The following VKORC1L1 variants were observed in gnomAD, a reference collection of about 807,000 sequenced individuals.
VKORC1L1 encodes the protein vitamin K epoxide reductase complex subunit 1-like protein 1.
Under a neutral mutation model 18.9 loss-of-function variants are expected in VKORC1L1, and 2 were observed. That is an observed-to-expected ratio of 0.11 (90% confidence interval 0.04 to 0.33). The LOEUF (loss-of-function observed/expected upper bound fraction) is 0.33, where lower values mean the gene tolerates loss of function less well. Ranked by LOEUF, VKORC1L1 falls within the 10% of genes least tolerant of loss-of-function variation. The pLI is 1.00. For synonymous variants in VKORC1L1, 96 were observed against 100.0 expected (o/e 0.96, Z 0.24); for missense variants, 123 against 224.1 (o/e 0.55, Z 2.88).
chr7:65,902,316 G>T (rs1422806061), intron 1 of VKORC1L1, among the ~76,000 whole-genome samples: 1 of 152,016 alleles, frequency 6.6e-6, no homozygotes, highest in Non-Finnish European at 1.5e-5. Flanking sequence ...GAAGTGGAAG[G>T]TGTATTTTAA....
At chr7:65,911,228 A>G (rs962339480) in intron 1 of VKORC1L1, among the ~76,000 whole-genome samples, 3 of 152,230 alleles carry the variant, frequency 2.0e-5, no homozygotes, top group African/African-American at 7.2e-5. Context: ...TTGTTTATCC[A>G]TATGTAAATT....
chr7:65,922,002 C>A (rs1171491762), intron 1 of VKORC1L1, among the ~76,000 whole-genome samples: 2 of 152,246 alleles, frequency 1.3e-5, no homozygotes, highest in East Asian at 3.9e-4. Flanking sequence ...CATTACCCTG[C>A]AGGTTATACC....
chr7:65,947,491 T>C (rs1469524450), intron 1 of VKORC1L1, among the ~76,000 whole-genome samples: 1 of 152,068 alleles, frequency 6.6e-6, no homozygotes, highest in African/African-American at 2.4e-5. Flanking sequence ...AGGTTTTTTA[T>C]TCAAAATGAA....
At chr7:65,909,277 C>T (rs938869954) in intron 1 of VKORC1L1, among the ~76,000 whole-genome samples, 3 of 151,338 alleles carry the variant, frequency 2.0e-5, no homozygotes, top group South Asian at 2.1e-4. Context: ...CCACCGTGCC[C>T]GGGCACAGCA....
chr7:65,875,389 A>G (rs1292596281), intron 1 of VKORC1L1, among the ~76,000 whole-genome samples: 7 of 152,064 alleles, frequency 4.6e-5, no homozygotes, highest in Admixed American at 6.6e-5. Flanking sequence ...AACATCATTG[A>G]AAGTTTTTAT....
At chr7:65,905,342 G>A (rs1227848985) in intron 1 of VKORC1L1, among the ~76,000 whole-genome samples, 1 of 151,472 alleles carries the variant, frequency 6.6e-6, no homozygotes, top group Admixed American at 6.6e-5. Flanking sequence ...ATGGAGTCTC[G>A]CTCTGTCATC....
At chr7:65,923,031 A>T (rs1157453594) in intron 1 of VKORC1L1, among the ~76,000 whole-genome samples, 1 of 152,124 alleles carries the variant, frequency 6.6e-6, no homozygotes, top group Non-Finnish European at 1.5e-5. Flanking sequence ...CTGATGATAA[A>T]GTAGAGCATT....
intron 2 of VKORC1L1, among the ~76,000 whole-genome samples, chr7:65,951,366 GAGTTCAAGACC>G (rs1470714104): frequency 2.6e-5 from 4 of 152,128 alleles, no homozygotes; most frequent in Non-Finnish European, 5.9e-5. Flanking sequence ...ACGAGGTCAG[GAGTTCAAGACC>G]AGCCTGGCCA....
chr7:65,897,637 TATTACTCTTGCGG>T lies in VKORC1L1; in HGVS notation c.194+24074_194+24086del, dbSNP rs1381005597. Reference sequence around the variant, plus strand: ...ATTGTGGTGTTAGAAGTCAGGGTAGTATTACTCTTGCGGAGCTCACTGGATGGAGACATGAGGG... The same window carrying T: ...ATTGTGGTGTTAGAAGTCAGGGTAGTAGCTCACTGGATGGAGACATGAGGG... On this transcript the variant is annotated intron_variant, in intron 1 of 2. Transcript: ENST00000360768. Among the ~76,000 whole-genome samples the T allele has an allele frequency of 5.6e-4, 85 of 151,476 alleles. No homozygotes were observed. In the East Asian group the frequency reaches 7.5e-3, roughly 13 times the overall value.
rs1490635753 is a variant in VKORC1L1, at chr7:65,956,936, T to C, written c.*2636T>C. 6.6e-6 allele frequency: 1 copy of C among 152,230 alleles called. No homozygotes were observed. The highest frequency in any genetic ancestry group is 1.5e-5 in the Non-Finnish European group (1 of 68,048). The allele number at this position is 152,230 out of a possible 1,614,324, so 9.4% of individuals were successfully genotyped here. A position where few individuals can be genotyped will look rare whatever the true frequency, so the allele number is the denominator to read the frequency against. ...AATGAAGCCATTTATTGACTTGATG[T>C]TCACAAATATCATTTGAAGAAATAA... On this transcript the variant is annotated 3_prime_UTR_variant, in exon 3 of 3. Transcript: ENST00000360768.
At chr7:65,929,513 A>G (rs1276931374) in intron 1 of VKORC1L1, among the ~76,000 whole-genome samples, 1 of 152,062 alleles carries the variant, frequency 6.6e-6, no homozygotes, top group East Asian at 1.9e-4. Context: ...TCTTGATTAC[A>G]GTAGCTTTAC....
chr7:65,947,166 A>G (rs1461792467), intron 1 of VKORC1L1, among the ~76,000 whole-genome samples: 1 of 151,960 alleles, frequency 6.6e-6, no homozygotes, highest in Admixed American at 6.6e-5. Flanking sequence ...AACAAACAAA[A>G]AGGATTGCAT....
chr7:65,929,681 T>TATATATA, intron 1 of VKORC1L1, among the ~76,000 whole-genome samples: 1 of 29,340 alleles, frequency 3.4e-5, no homozygotes, highest in Admixed American at 4.3e-4. Flanking sequence ...TGTGTGTGTG[T>TATATATA]GTATATATAT....
At chr7:65,941,073 G>T (rs911539549) in intron 1 of VKORC1L1, among the ~76,000 whole-genome samples, 8 of 152,248 alleles carry the variant, frequency 5.3e-5, no homozygotes, top group Non-Finnish European at 1.0e-4. Context: ...GTGTTTAATT[G>T]CATTGGGGCA....
chr7:65,936,049 C>T (rs1233924188), intron 1 of VKORC1L1, among the ~76,000 whole-genome samples: 2 of 151,638 alleles, frequency 1.3e-5, no homozygotes, highest in Non-Finnish European at 2.9e-5. Context: ...CTCACTGAAT[C>T]TTCCCTTTGG....
At chr7:65,873,665 GGGGACCGGGCCGCT>G (rs1363632278) in intron 1 of VKORC1L1, 100 bp downstream of exon 1, 1 of 1,217,736 alleles carries the variant, frequency 8.2e-7, no homozygotes, top group Non-Finnish European at 1.1e-6. Flanking sequence ...TGGGGGCGGC[GGGGACCGGGCCGCT>G]GGGGAACTGA....
intron 1 of VKORC1L1, among the ~76,000 whole-genome samples, chr7:65,910,729 C>T (rs1436793726): frequency 6.6e-6 from 1 of 151,888 alleles, no homozygotes; most frequent in Non-Finnish European, 1.5e-5. Flanking sequence ...AGGTAGCAAG[C>T]TGTGCTTTCA....
In VKORC1L1 at chr7:65,873,524, C is replaced by A; in HGVS notation, c.153C>A (p.Asp51Glu). The A allele has an allele frequency of 6.3e-7, 1 of 1,583,322 alleles. No individual in the cohort carries two copies. Among genetic ancestry groups the A allele is most frequent in the Non-Finnish European group, 8.6e-7 (1 of 1,167,686 alleles). ...ERDPEHRALCDLGPWVKCSAA... is the reference protein window; with the variant it reads ...ERDPEHRALCELGPWVKCSAA... ...ACCCCGAGCACCGGGCCCTCTGCGA[C>A]CTGGGGCCCTGGGTGAAGTGCTCCG... The change falls in exon 1 of 3, where the codon GAC becomes GAA. Residue 51 changes from aspartate (D) to glutamate (E), a missense_variant. By Grantham distance (45) the Asp-to-Glu change is conservative. Coordinates refer to ENST00000360768, the MANE Select transcript of VKORC1L1 (RefSeq NM_173517.6).
chr7:65,876,753 A>G (rs1788833583), intron 1 of VKORC1L1, among the ~76,000 whole-genome samples: 1 of 152,122 alleles, frequency 6.6e-6, no homozygotes, highest in Admixed American at 6.6e-5. Context: ...GGCTTTTAAC[A>G]CCTACTTAGG....
Sources: gnomAD v4.1 joint callset for allele counts (sites outside exome capture counted in the v4.1 genomes callset) on GRCh38, gnomAD v4.1.1 for gene constraint, MANE v1.5 for transcripts, NCBI Gene and HGNC (gene_info 2026-07-23, HGNC 2026-07-21) for gene names.